ATP8A2: variants seen among roughly 807,000 people sequenced by gnomAD.
ATP8A2 encodes the protein ATPase phospholipid transporting 8A2, also known as phospholipid-transporting ATPase IB.
In ATP8A2, 100 loss-of-function variants were observed where a neutral mutation model predicts 165.6. That is an observed-to-expected ratio of 0.60 (90% CI 0.51 to 0.71). The LOEUF is 0.71. ATP8A2 is among the 30% of genes least tolerant of loss of function. ATP8A2 has a pLI of 0.00. For missense variants in ATP8A2, 1,227 were observed against 1,479.5 expected (o/e 0.83, Z 2.80); for synonymous variants, 543 against 548.8 (o/e 0.99, Z 0.15).
At chr13:25,667,745 A>C (rs888337518) in intron 24 of ATP8A2, among the ~76,000 whole-genome samples, 1 of 151,962 alleles carries the variant, frequency 6.6e-6, no homozygotes, top group Non-Finnish European at 1.5e-5. Context: ...CTTTCACTTA[A>C]CATCTAATAC....
chr13:25,779,167 G>C (rs149020736), intron 27 of ATP8A2, among the ~76,000 whole-genome samples: 1 of 151,740 alleles, frequency 6.6e-6, no homozygotes, highest in Non-Finnish European at 1.5e-5. Context: ...TGCTTTCATC[G>C]CCTTGAGAGA....
intron 24 of ATP8A2, among the ~76,000 whole-genome samples, chr13:25,620,884 A>G (rs535477141): frequency 2.0e-5 from 3 of 152,222 alleles, no homozygotes; most frequent in Non-Finnish European, 4.4e-5. Flanking sequence ...GCTTTTTAGT[A>G]AAATTGTATG....
chr13:25,603,646 G>A (rs1319133668), intron 24 of ATP8A2, among the ~76,000 whole-genome samples: 1 of 151,954 alleles, frequency 6.6e-6, no homozygotes. Context: ...GGTGATGGGA[G>A]GTGGTGAGAT....
chr13:25,559,767 T>C lies in ATP8A2; in HGVS notation c.1397+2T>C. 6.2e-7 allele frequency: 1 copy of C among 1,609,056 alleles called. No individual in the cohort carries two copies. ...AGAGCCGTCTTCAGATGACTTCTGGTAAGTAGATTCTAGCACTTCTTGACA... is the reference window on the plus strand; with the variant it reads ...AGAGCCGTCTTCAGATGACTTCTGGCAAGTAGATTCTAGCACTTCTTGACA... On this transcript the variant is annotated splice_donor_variant, in intron 15 of 36. Transcript: ENST00000381655. LOFTEE classifies it high-confidence loss of function.
intron 27 of ATP8A2, among the ~76,000 whole-genome samples, chr13:25,799,905 T>A (rs949293620): frequency 7.2e-5 from 11 of 152,238 alleles, no homozygotes; most frequent in African/African-American, 2.7e-4. Flanking sequence ...AGCACTCAGA[T>A]CTTCAGGAAA....
chr13:25,729,275 A>G (rs1372313950), intron 25 of ATP8A2, among the ~76,000 whole-genome samples: 1 of 152,192 alleles, frequency 6.6e-6, no homozygotes, highest in Non-Finnish European at 1.5e-5. Context: ...AATCAAGATA[A>G]CCTGGCCTTG....
chr13:25,668,417 A>G (rs2137734022), intron 24 of ATP8A2, among the ~76,000 whole-genome samples: 1 of 152,258 alleles, frequency 6.6e-6, no homozygotes, highest in East Asian at 1.9e-4. Context: ...TTGCTTGTGT[A>G]TAATAAGTTG....
At chr13:25,840,170 G>A (rs1221472246) in intron 30 of ATP8A2, among the ~76,000 whole-genome samples, 1 of 152,142 alleles carries the variant, frequency 6.6e-6, no homozygotes, top group African/African-American at 2.4e-5. Context: ...TGAGAACTGT[G>A]GCAGACTCGG....
chr13:26,015,036 G>A (rs1298643332), intron 36 of ATP8A2, among the ~76,000 whole-genome samples: 2 of 152,140 alleles, frequency 1.3e-5, no homozygotes, highest in East Asian at 3.8e-4. Flanking sequence ...CGATATATAT[G>A]TTGTGATCAA....
chr13:25,499,311 T>A (rs190556172), intron 2 of ATP8A2, among the ~76,000 whole-genome samples: 2 of 152,290 alleles, frequency 1.3e-5, no homozygotes, highest in Admixed American at 1.3e-4. Flanking sequence ...GAGCTATATA[T>A]AAGACCCTAC....
chr13:25,420,119 T>C (rs1264918254), intron 1 of ATP8A2, among the ~76,000 whole-genome samples: 2 of 152,214 alleles, frequency 1.3e-5, no homozygotes, highest in Admixed American at 6.5e-5. Flanking sequence ...AGACTTAATA[T>C]TGGGAGCATC....
intron 1 of ATP8A2, among the ~76,000 whole-genome samples, chr13:25,383,192 T>C (rs568614141): frequency 6.6e-6 from 1 of 151,320 alleles, no homozygotes; most frequent in South Asian, 2.1e-4. Flanking sequence ...ACTACAGGCG[T>C]GCACCACCAT....
intron 35 of ATP8A2, among the ~76,000 whole-genome samples, chr13:26,000,136 G>C (rs942624048): frequency 1.3e-5 from 2 of 152,158 alleles, no homozygotes; most frequent in African/African-American, 4.8e-5. Context: ...CTGGTGGATT[G>C]GTAGATGTTT....
intron 2 of ATP8A2, among the ~76,000 whole-genome samples, chr13:25,514,173 G>A (rs771787832): frequency 1.5e-4 from 23 of 151,986 alleles, no homozygotes; most frequent in African/African-American, 2.2e-4. Context: ...TTAGGCTAGC[G>A]TACTTCCAAT....
intron 1 of ATP8A2, among the ~76,000 whole-genome samples, chr13:25,383,386 T>C (rs2032926161): frequency 6.6e-6 from 1 of 152,190 alleles, no homozygotes; most frequent in African/African-American, 2.4e-5. Flanking sequence ...TACAGGCGTG[T>C]GCCTTTTGTC....
At chr13:25,835,669 G>A (rs1329902907) in intron 28 of ATP8A2, among the ~76,000 whole-genome samples, 2 of 152,046 alleles carry the variant, frequency 1.3e-5, no homozygotes, top group African/African-American at 4.8e-5. Flanking sequence ...AAAATGACAT[G>A]TTTCTTCCAA....
At chr13:25,699,938 A>G (rs1015607851) in intron 25 of ATP8A2, among the ~76,000 whole-genome samples, 1 of 151,898 alleles carries the variant, frequency 6.6e-6, no homozygotes, top group Admixed American at 6.6e-5. Flanking sequence ...TGAAAGTCAG[A>G]CAGAATTATA....
At chr13:25,540,196 AT>A (rs2038426519) in intron 7 of ATP8A2, 122 bp from the exon 8 acceptor site, 3 of 726,538 alleles carry the variant, frequency 4.1e-6, no homozygotes, top group African/African-American at 3.5e-5. Context: ...TATCGTGGTT[AT>A]TTATAACAAT....
intron 25 of ATP8A2, among the ~76,000 whole-genome samples, chr13:25,762,227 C>T (rs2044394451): frequency 8.0e-6 from 1 of 124,298 alleles, no homozygotes; most frequent in Admixed American, 1.0e-4. Flanking sequence ...CAAGATCATT[C>T]CATTGCACTC....
Sources: allele counts gnomAD v4.1 joint callset (sites outside exome capture counted in the v4.1 genomes callset), GRCh38; gene constraint gnomAD v4.1.1; transcripts MANE v1.5; gene names NCBI Gene and HGNC (gene_info 2026-07-23, HGNC 2026-07-21).